The following MCF2L variants were observed in gnomAD, a reference collection of about 807,000 sequenced individuals.
MCF2L encodes the protein MCF.2 cell line derived transforming sequence like, also known as guanine nucleotide exchange factor DBS.
In MCF2L, 97 loss-of-function variants were observed where a neutral mutation model predicts 153.4. The ratio of observed to expected loss-of-function variants is 0.63; its 90% CI spans 0.54 to 0.75. The LOEUF (loss-of-function observed/expected upper bound fraction) is 0.75. Among genes scored for constraint, MCF2L ranks in the 30% least tolerant of loss-of-function variants. MCF2L has a pLI of 0.00. For synonymous variants in MCF2L, 659 were observed against 632.2 expected (o/e 1.04, Z -0.64); for missense variants, 1,347 against 1,495.2 (o/e 0.90, Z 1.64).
chr13:112,915,285 T>C (rs951125052), intron 2 of MCF2L, among the ~76,000 whole-genome samples: 1 of 151,702 alleles, frequency 6.6e-6, no homozygotes, highest in African/African-American at 2.4e-5. Context: ...GGCAGGCACC[T>C]GTAGTCCCAG....
rs752592230 is a variant in MCF2L at position 113,046,513 on chromosome 13, C to T, written c.369+1152C>T. ...GGGTTCCCCAGCCTCTCGGTGGCTG[C>T]TGGCTGGTGCGCCAAGGTTTGAGGT... is the stretch of plus-strand genomic sequence containing the variant. On this transcript the variant is annotated intron_variant, in intron 4 of 29. Transcript: ENST00000535094. The surrounding 1 kb of genome is among the most constrained non-coding windows in gnomAD (Gnocchi z 4.4). 1 of 531,256 alleles carries T rather than the reference C, an allele frequency of 1.9e-6. No homozygotes were observed. Among genetic ancestry groups the T allele is most frequent in the Admixed American group, 2.0e-5 (1 of 51,226 alleles). 32.9% of individuals were successfully genotyped at this position (531,256 alleles called of 1,614,324 possible).
At chr13:113,049,141 C>T (rs1421238369) in intron 4 of MCF2L, among the ~76,000 whole-genome samples, 1 of 152,212 alleles carries the variant, frequency 6.6e-6, no homozygotes, top group Non-Finnish European at 1.5e-5. Flanking sequence ...ACATGGAGCT[C>T]ACAGCCCTGG....
chr13:113,083,891 C>A, intron 17 of MCF2L, 107 bp from the exon 18 acceptor site: 1 of 845,312 alleles, frequency 1.2e-6, no homozygotes, highest in Non-Finnish European at 2.0e-6. Context: ...GGCAGATTGC[C>A]CAGAGCAAGG....
At chr13:113,019,548 T>G (rs1379621109) in intron 2 of MCF2L, among the ~76,000 whole-genome samples, 2 of 152,214 alleles carry the variant, frequency 1.3e-5, no homozygotes, top group African/African-American at 2.4e-5. Context: ...ATCAAAGTCA[T>G]GAGACGGAGA....
chr13:113,051,501 G>A (rs1415591754), intron 4 of MCF2L, among the ~76,000 whole-genome samples: 1 of 152,204 alleles, frequency 6.6e-6, no homozygotes, highest in Non-Finnish European at 1.5e-5. Flanking sequence ...CAGCCTTGGG[G>A]TATCCAGCAG....
In MCF2L at chr13:113,077,102, C is replaced by T. The variant is rs376062655; in HGVS notation, c.1551C>T (p.Phe517=). The T allele has an allele frequency of 7.9e-5, 128 of 1,612,784 alleles. No homozygotes were observed. The highest frequency in any genetic ancestry group is 4.9e-4 in the Middle Eastern group (3 of 6,084). The part of the protein sequence containing the change: ...FQKQASMEEV[F]HRRQASLKKL... ...AGCAGGCAAGCATGGAGGAGGTGTT[C>T]CACCGCAGGCAGGCCAGCCTGAAGA... The change falls in exon 13 of 30, where the codon TTC becomes TTT. Residue 517 remains phenylalanine (F), a synonymous_variant. Transcript: ENST00000535094.
chr13:113,060,620 G>A lies in MCF2L; in HGVS notation c.397G>A (p.Val133Ile), dbSNP rs763446044. 67 of 1,613,350 alleles carry A rather than the reference G, an allele frequency of 4.2e-5. No homozygotes were observed. Among genetic ancestry groups the A allele is most frequent in the Middle Eastern group, 1.6e-4 (1 of 6,080 alleles). ...ATCTTTCCCGGCAAACCTGCAGCTC[G>A]TCCTCGTGCTTCGCCCGACGGGTTT... is the stretch of plus-strand genomic sequence containing the variant. ...AASFPANLQL[V>I]LVLRPTGFFQ... The change falls in exon 5 of 30, where the codon GTC becomes ATC. Residue 133 changes from valine (V) to isoleucine (I), a missense_variant. Physicochemically the swap from Val to Ile is conservative, Grantham distance 29. Coordinates refer to ENST00000535094, the MANE Select transcript of MCF2L (RefSeq NM_001112732.3).
Position 112,898,120 on chromosome 13 carries a change from G to A in MCF2L, c.-5+3689G>A, listed in dbSNP as rs539799579. On this transcript the variant is annotated intron_variant, in intron 1 of 29. Transcript: ENST00000375608. ...TTATTAATACTGGCGATTTACAGTG[G>A]ATGACACGGTGTCGTGAGTGGAAGC... is the stretch of plus-strand genomic sequence containing the variant. Among the ~76,000 whole-genome samples the A allele has an allele frequency of 5.6e-4, 86 of 152,362 alleles. 1 individual carries two copies. The highest frequency in any genetic ancestry group is 1.9e-3 in the African/African-American group (78 of 41,582).
chr13:112,898,881 C>T (rs1270618042), intron 1 of MCF2L, among the ~76,000 whole-genome samples: 3 of 152,182 alleles, frequency 2.0e-5, no homozygotes, highest in Non-Finnish European at 4.4e-5. Flanking sequence ...CCCTATCCTG[C>T]CTGACTTCTC....
At chr13:113,076,262 TTTA>T (rs2033465116) in intron 12 of MCF2L, 105 bp downstream of exon 12, 2 of 844,130 alleles carry the variant, frequency 2.4e-6, no homozygotes, top group South Asian at 3.0e-5. Flanking sequence ...TTTGTATTTA[TTTA>T]TTATTATTTT....
At chr13:112,915,410 CA>C (rs779274453) in intron 2 of MCF2L, among the ~76,000 whole-genome samples, 7 of 86,920 alleles carry the variant, frequency 8.1e-5, no homozygotes, top group Admixed American at 2.6e-4. Context: ...CTCTGTCTCA[CA>C]AAAAAAAAAA....
intron 9 of MCF2L, among the ~76,000 whole-genome samples, chr13:113,073,410 G>A (rs952122867): frequency 3.3e-5 from 5 of 152,126 alleles, no homozygotes; most frequent in Non-Finnish European, 7.3e-5. Context: ...GTGGCTGTGC[G>A]TAACATGGAG....
intron 5 of MCF2L, chr13:113,063,952 G>A: frequency 2.4e-6 from 1 of 420,556 alleles, no homozygotes; most frequent in Non-Finnish European, 4.8e-6. Context: ...CCTGTGGCAT[G>A]GATGACCCGT....
chr13:112,977,970 A>G (rs944740853), intron 1 of MCF2L, among the ~76,000 whole-genome samples: 4 of 152,300 alleles, frequency 2.6e-5, no homozygotes, highest in African/African-American at 9.6e-5. Flanking sequence ...GCTACTTGGG[A>G]GGCTGAGGCA....
At chr13:113,049,163 A>T (rs2087038360) in intron 4 of MCF2L, among the ~76,000 whole-genome samples, 1 of 152,184 alleles carries the variant, frequency 6.6e-6, no homozygotes, top group African/African-American at 2.4e-5. Flanking sequence ...TTCATGAAGG[A>T]GAAGTGGGCC....
chr13:113,092,337 C>T (rs1287975744), intron 26 of MCF2L, among the ~76,000 whole-genome samples: 1 of 152,202 alleles, frequency 6.6e-6, no homozygotes, highest in African/African-American at 2.4e-5. Flanking sequence ...GAAGCCGGGC[C>T]ACTGCCCGTG....
chr13:113,043,407 G>A (rs964172287), intron 3 of MCF2L: 3 of 152,294 alleles, frequency 2.0e-5, no homozygotes, highest in African/African-American at 7.2e-5. Flanking sequence ...AGAGCTCCGG[G>A]ATCAGCTCCC....
intron 2 of MCF2L, among the ~76,000 whole-genome samples, chr13:112,949,469 C>G (rs982885674): frequency 5.3e-5 from 8 of 152,050 alleles, no homozygotes; most frequent in Admixed American, 2.0e-4. Context: ...ATATAACACA[C>G]AAGCCCATAA....
At chr13:112,926,480 G>A (rs766114164) in intron 2 of MCF2L, among the ~76,000 whole-genome samples, 16 of 152,100 alleles carry the variant, frequency 1.1e-4, no homozygotes, top group East Asian at 3.9e-4. Context: ...TATACACAGC[G>A]GAGTGCTGCA....
Sources: gnomAD v4.1 joint callset for allele counts (sites outside exome capture counted in the v4.1 genomes callset) on GRCh38, gnomAD v4.1.1 for gene constraint, Gnocchi (gnomAD v3.1) non-coding constraint, MANE v1.5 for transcripts, NCBI Gene and HGNC (gene_info 2026-07-23, HGNC 2026-07-21) for gene names.